PDE1A: variants seen among roughly 807,000 people sequenced by gnomAD.
PDE1A encodes dual specificity calcium/calmodulin-dependent 3',5'-cyclic nucleotide phosphodiesterase 1A.
A neutral mutation model predicts 61.7 loss-of-function variants in PDE1A; 35 were observed. That is an observed-to-expected ratio of 0.57 (90% CI 0.43 to 0.75). The LOEUF (loss-of-function observed/expected upper bound fraction) is 0.75, where lower values mean the gene tolerates loss of function less well. Among genes scored for constraint, PDE1A ranks in the 30% least tolerant of loss-of-function variants. The pLI, the probability that PDE1A is intolerant of heterozygous loss-of-function variation, is 0.00. For missense variants in PDE1A, 597 were observed against 630.6 expected (o/e 0.95, Z 0.57); for synonymous variants, 232 against 213.2 (o/e 1.09, Z -0.77).
chr2:182,604,400 C>T, the PDE1A span, among the ~76,000 whole-genome samples: 8 of 152,178 alleles, frequency 5.3e-5, no homozygotes, highest in Admixed American at 1.3e-4. Context: ...GAATACTAAC[C>T]GAATGATCTT....
chr2:182,644,961 C>T, the PDE1A span, among the ~76,000 whole-genome samples: 1 of 151,158 alleles, frequency 6.6e-6, no homozygotes, highest in Non-Finnish European at 1.5e-5. Context: ...TTTCTGCTTC[C>T]TCAAGCATGC....
At chr2:182,422,756 G>T (rs1703362182) in intron 1 of PDE1A, among the ~76,000 whole-genome samples, 1 of 152,046 alleles carries the variant, frequency 6.6e-6, no homozygotes, top group Non-Finnish European at 1.5e-5. Flanking sequence ...AGATCTCTGG[G>T]AATATAGAAA....
At chr2:182,258,849 T>G (rs757299301) in intron 2 of PDE1A, among the ~76,000 whole-genome samples, 4 of 152,224 alleles carry the variant, frequency 2.6e-5, no homozygotes, top group Non-Finnish European at 5.9e-5. Context: ...TGTTTCCTCC[T>G]TGTAATCTGT....
intron 1 of PDE1A, among the ~76,000 whole-genome samples, chr2:182,312,068 T>C (rs1230920306): frequency 6.6e-6 from 1 of 152,198 alleles, no homozygotes; most frequent in Non-Finnish European, 1.5e-5. Context: ...TGTGCTTACT[T>C]GCTATTCATG....
chr2:182,265,704 A>C (rs1692584357), intron 1 of PDE1A, among the ~76,000 whole-genome samples: 1 of 152,202 alleles, frequency 6.6e-6, no homozygotes, highest in South Asian at 2.1e-4. Flanking sequence ...AGCTTTGGCA[A>C]CTTCTATGCA....
intron 9 of PDE1A, 24 bp from the exon 10 acceptor site, chr2:182,201,583 TA>T (rs746422545): frequency 1.2e-6 from 2 of 1,607,606 alleles, no homozygotes; most frequent in South Asian, 2.2e-5. Flanking sequence ...GACATGCTTA[TA>T]TTATTCAAAA....
chr2:182,618,054 A>G, the PDE1A span, among the ~76,000 whole-genome samples: 1 of 152,142 alleles, frequency 6.6e-6, no homozygotes, highest in East Asian at 1.9e-4. Context: ...TTTCTTTCTC[A>G]TTTACTGCTG....
the PDE1A span, among the ~76,000 whole-genome samples, chr2:182,533,210 C>T: frequency 6.6e-6 from 1 of 151,544 alleles, no homozygotes; most frequent in Non-Finnish European, 1.5e-5. Flanking sequence ...ATTTGGCAGG[C>T]TGAGGTGGGA....
At chr2:182,666,415 C>T in the PDE1A span, among the ~76,000 whole-genome samples, 4 of 151,842 alleles carry the variant, frequency 2.6e-5, no homozygotes, top group Admixed American at 6.6e-5. Context: ...ATCAGGAGTT[C>T]GAGACCAGCC....
the PDE1A span, among the ~76,000 whole-genome samples, chr2:182,671,185 T>C: frequency 1.2e-3 from 182 of 150,176 alleles, no homozygotes; most frequent in Non-Finnish European, 2.5e-3. Flanking sequence ...CTTTTTTTTC[T>C]TTTGAGACGG....
At chr2:182,708,663 C>A in the PDE1A span, among the ~76,000 whole-genome samples, 1 of 152,126 alleles carries the variant, frequency 6.6e-6, no homozygotes, top group Non-Finnish European at 1.5e-5. Context: ...CCAATCACCC[C>A]CATCAGGTCC....
the PDE1A span, among the ~76,000 whole-genome samples, chr2:182,587,572 G>A: frequency 4.6e-5 from 7 of 152,150 alleles, no homozygotes; most frequent in Admixed American, 3.3e-4. Context: ...CAACTTTTCT[G>A]TGCACTAACT....
chr2:182,570,728 T>C, the PDE1A span, among the ~76,000 whole-genome samples: 1 of 152,198 alleles, frequency 6.6e-6, no homozygotes, highest in South Asian at 2.1e-4. Context: ...GCAATATATG[T>C]CCTTCAGTCA....
chr2:182,168,618 C>T (rs1333660011), intron 13 of PDE1A, among the ~76,000 whole-genome samples: 1 of 152,028 alleles, frequency 6.6e-6, no homozygotes, highest in Non-Finnish European at 1.5e-5. Flanking sequence ...CTAGAGCAGA[C>T]ACTCTCAGAA....
chr2:182,642,636 C>T, the PDE1A span, among the ~76,000 whole-genome samples: 37 of 152,140 alleles, frequency 2.4e-4, no homozygotes, highest in South Asian at 7.7e-3. Flanking sequence ...AGAGATGGCT[C>T]CCATCTCTTA....
chr2:182,444,217 T>C (rs772954441), intron 2 of PDE1A, among the ~76,000 whole-genome samples: 1 of 152,168 alleles, frequency 6.6e-6, no homozygotes, highest in Admixed American at 6.5e-5. Context: ...GCCTAGAATA[T>C]GCTTCCTTCA....
chr2:182,663,460 G>C, the PDE1A span, among the ~76,000 whole-genome samples: 1 of 152,026 alleles, frequency 6.6e-6, no homozygotes, highest in Non-Finnish European at 1.5e-5. Flanking sequence ...AAGAAAATGT[G>C]GTACATATAT....
intron 1 of PDE1A, among the ~76,000 whole-genome samples, chr2:182,330,630 C>T (rs554121313): frequency 1.3e-5 from 2 of 152,240 alleles, no homozygotes; most frequent in Admixed American, 6.5e-5. Flanking sequence ...CCCTCCTGCC[C>T]TCTCTGCCTC....
At chr2:182,174,400 A>C (rs934152626) in intron 13 of PDE1A, among the ~76,000 whole-genome samples, 8 of 152,110 alleles carry the variant, frequency 5.3e-5, no homozygotes, top group African/African-American at 1.9e-4. Flanking sequence ...TCCAATAACA[A>C]CTTTTTCACA....
Sources: allele counts gnomAD v4.1 joint callset (sites outside exome capture counted in the v4.1 genomes callset), GRCh38; gene constraint gnomAD v4.1.1; transcripts MANE v1.5; gene names NCBI Gene and HGNC (gene_info 2026-07-23, HGNC 2026-07-21).